Variants in DCDC2C observed in about 807,000 individuals in gnomAD.
DCDC2C encodes the protein doublecortin domain-containing protein 2C.
DCDC2C carries 44 observed loss-of-function variants against 45.0 expected under a neutral mutation model. That is an observed-to-expected ratio of 0.98 (90% CI 0.77 to 1.26). DCDC2C has a LOEUF of 1.26. Among genes scored for constraint, DCDC2C ranks in the 50% most tolerant of loss-of-function variants. The pLI is 0.00. For synonymous variants in DCDC2C, 187 were observed against 178.8 expected (o/e 1.05, Z -0.37); for missense variants, 447 against 468.9 (o/e 0.95, Z 0.43).
At chr2:3,730,587 C>T (rs920589408) in intron 3 of DCDC2C, among the ~76,000 whole-genome samples, 6 of 152,132 alleles carry the variant, frequency 3.9e-5, no homozygotes, top group South Asian at 2.1e-4. Context: ...CCCCGCCCCC[C>T]GAGCTTCCAC....
intron 4 of DCDC2C, among the ~76,000 whole-genome samples, chr2:3,743,269 C>T (rs1669268685): frequency 6.6e-6 from 1 of 152,036 alleles, no homozygotes. Context: ...CAAGTATTAC[C>T]AGAACTGAAG....
At chr2:3,760,232 A>G (rs1373978637) in intron 6 of DCDC2C, among the ~76,000 whole-genome samples, 1 of 152,250 alleles carries the variant, frequency 6.6e-6, no homozygotes, top group Non-Finnish European at 1.5e-5. Context: ...TTTGAATAGA[A>G]GAAAATATTT....
chr2:3,744,245 G>T (rs1228991724), intron 4 of DCDC2C, among the ~76,000 whole-genome samples: 5 of 152,210 alleles, frequency 3.3e-5, no homozygotes, highest in African/African-American at 1.2e-4. Context: ...GAGCAGAGAG[G>T]GACAGGGAGG....
chr2:3,814,787 A>C (rs181070085), intron 10 of DCDC2C, among the ~76,000 whole-genome samples: 41 of 152,328 alleles, frequency 2.7e-4, no homozygotes, highest in Admixed American at 2.4e-3. Flanking sequence ...ATGAGGAAGG[A>C]TGGGTCAGGT....
intron 4 of DCDC2C, among the ~76,000 whole-genome samples, chr2:3,747,646 G>A (rs545045860): frequency 1.3e-5 from 2 of 152,316 alleles, no homozygotes; most frequent in African/African-American, 4.8e-5. Context: ...GCCTGACCTC[G>A]CCCATCTCGC....
chr2:3,725,493 G>GCC (rs1224830838), intron 2 of DCDC2C, among the ~76,000 whole-genome samples: 40 of 99,918 alleles, frequency 4.0e-4, no homozygotes, highest in Admixed American at 5.8e-4. Context: ...AAGACGAGCA[G>GCC]AGAGGGAGGA....
chr2:3,740,806 TATTAA>T (rs1669182105), intron 3 of DCDC2C, among the ~76,000 whole-genome samples: 3 of 148,344 alleles, frequency 2.0e-5, no homozygotes, highest in African/African-American at 5.2e-5. Flanking sequence ...GTGACAAACA[TATTAA>T]ATTAAGATTT....
At chr2:3,774,252 T>A (rs1443648291) in intron 8 of DCDC2C, among the ~76,000 whole-genome samples, 1 of 152,182 alleles carries the variant, frequency 6.6e-6, no homozygotes, top group Non-Finnish European at 1.5e-5. Context: ...AATGAATAAA[T>A]TAAAAGTATA....
chr2:3,740,769 TAAC>T (rs1669180582), intron 3 of DCDC2C, among the ~76,000 whole-genome samples: 1 of 152,182 alleles, frequency 6.6e-6, no homozygotes, highest in African/African-American at 2.4e-5. Context: ...CACAAAACCT[TAAC>T]AGAGAAAATG....
chr2:3,838,717 T>A (rs955904082), intron 10 of DCDC2C, among the ~76,000 whole-genome samples: 2 of 152,068 alleles, frequency 1.3e-5, no homozygotes, highest in Admixed American at 6.5e-5. Flanking sequence ...GAGAAAGACA[T>A]CATTTGAGAG....
intron 2 of DCDC2C, among the ~76,000 whole-genome samples, chr2:3,720,635 A>G (rs1668474808): frequency 6.6e-6 from 1 of 152,216 alleles, no homozygotes; most frequent in Non-Finnish European, 1.5e-5. Context: ...TGGGCAGGAC[A>G]TTCTCTATGT....
intron 1 of DCDC2C, 144 bp downstream of exon 1, chr2:3,704,182 A>C (rs10186479): frequency 0.48 from 375,252 of 784,072 alleles, 91,562 homozygotes; most frequent in African/African-American, 0.57. Flanking sequence ...GATCCAGCGC[A>C]GCCGGCGTCG....
intron 3 of DCDC2C, among the ~76,000 whole-genome samples, 182 bp downstream of exon 3, chr2:3,727,261 G>C (rs1668717662): frequency 1.3e-5 from 2 of 149,132 alleles, no homozygotes; most frequent in South Asian, 4.2e-4. Context: ...CCTTCTCTCT[G>C]ATTCAGCTGT....
chr2:3,717,415 T>C (rs1668376655), intron 2 of DCDC2C, among the ~76,000 whole-genome samples: 1 of 152,134 alleles, frequency 6.6e-6, no homozygotes, highest in South Asian at 2.1e-4. Context: ...AACGTGAGCA[T>C]TTTTCTCAAC....
chr2:3,800,719 G>A (rs943866868), intron 10 of DCDC2C, among the ~76,000 whole-genome samples: 1 of 141,278 alleles, frequency 7.1e-6, no homozygotes, highest in Non-Finnish European at 1.6e-5. Flanking sequence ...CAAGGTCAGT[G>A]TTTAATAACA....
intron 3 of DCDC2C, among the ~76,000 whole-genome samples, chr2:3,738,308 G>T (rs942338527): frequency 1.6e-4 from 25 of 151,976 alleles, no homozygotes; most frequent in Non-Finnish European, 2.8e-4. Context: ...AAGTAAAAAA[G>T]GAATTAATGT....
chr2:3,771,210 T>G (rs1301011129), intron 8 of DCDC2C, among the ~76,000 whole-genome samples: 2 of 152,262 alleles, frequency 1.3e-5, no homozygotes, highest in Middle Eastern at 3.4e-3. Context: ...GACAGCTGAG[T>G]GCCAGGAGGA....
chr2:3,834,806 A>T (rs1672035929), intron 10 of DCDC2C, among the ~76,000 whole-genome samples: 1 of 152,220 alleles, frequency 6.6e-6, no homozygotes, highest in Non-Finnish European at 1.5e-5. Context: ...CCTGGGGAAC[A>T]TCAAATGTCC....
intron 2 of DCDC2C, among the ~76,000 whole-genome samples, chr2:3,726,536 G>C (rs939993016): frequency 2.0e-5 from 3 of 152,118 alleles, no homozygotes; most frequent in Non-Finnish European, 2.9e-5. Flanking sequence ...AAGGCGGAGG[G>C]GCTCCCGCCT....
Sources: allele counts gnomAD v4.1 joint callset (sites outside exome capture counted in the v4.1 genomes callset), GRCh38; gene constraint gnomAD v4.1.1; transcripts MANE v1.5; gene names NCBI Gene and HGNC (gene_info 2026-07-23, HGNC 2026-07-21).